Variants in PIGK observed in about 807,000 individuals in gnomAD.
PIGK encodes the protein phosphatidylinositol glycan anchor biosynthesis class K, also known as GPI-anchor transamidase.
Under a neutral mutation model 50.6 loss-of-function variants are expected in PIGK, and 42 were observed. The ratio of observed to expected loss-of-function variants is 0.83; its 90% CI spans 0.65 to 1.07. The LOEUF (loss-of-function observed/expected upper bound fraction) is 1.07. PIGK is among the 50% of genes least tolerant of loss of function. The pLI is 0.00. For synonymous variants in PIGK, 151 were observed against 156.0 expected, an observed-to-expected ratio of 0.97 and a Z score of 0.24; for missense variants, 448 against 488.7, an observed-to-expected ratio of 0.92 and a Z score of 0.78.
chr1:77,170,957 G>A (rs551617153), intron 3 of PIGK, among the ~76,000 whole-genome samples: 34 of 152,262 alleles, frequency 2.2e-4, no homozygotes, highest in Admixed American at 1.2e-3. Context: ...ACCCTGTCAC[G>A]TTCAAAGATC....
chr1:77,108,361 C>T (rs1355572729), intron 10 of PIGK, among the ~76,000 whole-genome samples: 3 of 152,088 alleles, frequency 2.0e-5, no homozygotes, highest in African/African-American at 7.2e-5. Flanking sequence ...CTTAGTTTGG[C>T]TGCATATGAA....
intron 10 of PIGK, among the ~76,000 whole-genome samples, chr1:77,107,953 T>C (rs959933713): frequency 2.6e-5 from 4 of 152,188 alleles, no homozygotes; most frequent in African/African-American, 9.7e-5. Flanking sequence ...TAGATCTTCC[T>C]CCATCCCTTT....
intron 9 of PIGK, among the ~76,000 whole-genome samples, chr1:77,139,511 T>G (rs1419299007): frequency 6.6e-6 from 1 of 152,156 alleles, no homozygotes; most frequent in Admixed American, 6.5e-5. Flanking sequence ...AAATCTATAC[T>G]GTCCTTGCAA....
intron 9 of PIGK, among the ~76,000 whole-genome samples, chr1:77,150,651 TA>T (rs1400381711): frequency 2.0e-5 from 3 of 151,648 alleles, no homozygotes; most frequent in African/African-American, 7.3e-5. Flanking sequence ...AAATCAGGGA[TA>T]AAAAAGAAAA....
At chr1:77,135,954 G>A (rs944316608) in intron 9 of PIGK, among the ~76,000 whole-genome samples, 3 of 151,850 alleles carry the variant, frequency 2.0e-5, no homozygotes, top group African/African-American at 7.3e-5. Flanking sequence ...TTCAGTTTTT[G>A]CTTAAATTTA....
rs1007167364 is a variant in PIGK at position 77,161,879 on chromosome 1, A to G, written c.585-168T>C. Among the ~76,000 whole-genome samples the G allele has an allele frequency of 2.0e-5, 3 of 152,208 alleles. No homozygotes were observed. In the South Asian group the frequency reaches 6.2e-4, roughly 31 times the overall value. On this transcript the variant is annotated intron_variant, in intron 6 of 10. Transcript: ENST00000370812. The stretch of plus-strand genomic sequence containing the variant: ...ATTTGACCTCAGAAAAGTTAAAGGT[A>G]TAAATTTGTCCAAGGAAACCACAGC...
At chr1:77,126,675 A>C (rs1654239544) in intron 9 of PIGK, among the ~76,000 whole-genome samples, 1 of 152,172 alleles carries the variant, frequency 6.6e-6, no homozygotes. Context: ...TCATCCATAC[A>C]TTCTAAGCCC....
chr1:77,212,620 A>T (rs1415055412), intron 1 of PIGK, among the ~76,000 whole-genome samples: 1 of 152,208 alleles, frequency 6.6e-6, no homozygotes, highest in Non-Finnish European at 1.5e-5. Flanking sequence ...GAAAAAGGAC[A>T]TTCCACACAA....
intron 3 of PIGK, among the ~76,000 whole-genome samples, chr1:77,186,338 G>A (rs1383433717): frequency 1.3e-5 from 2 of 152,222 alleles, no homozygotes; most frequent in Non-Finnish European, 2.9e-5. Flanking sequence ...CAGCGGTAAA[G>A]GGAAATCTCC....
chr1:77,154,381 A>C, intron 9 of PIGK, 68 bp downstream of exon 9: 1 of 1,232,822 alleles, frequency 8.1e-7, no homozygotes, highest in Non-Finnish European at 1.2e-6. Context: ...CTCTTAATAC[A>C]ATGTTTCAAA....
intron 3 of PIGK, chr1:77,195,534 C>T (rs1296845950): frequency 8.5e-6 from 4 of 469,462 alleles, no homozygotes; most frequent in Admixed American, 3.4e-5. Flanking sequence ...TAAGGCCTTA[C>T]AGAGATTACA....
chr1:77,167,102 G>A (rs1307710272), intron 4 of PIGK, among the ~76,000 whole-genome samples: 2 of 152,196 alleles, frequency 1.3e-5, no homozygotes, highest in African/African-American at 4.8e-5. Flanking sequence ...AGCACTTTGT[G>A]AGGCAAGGCA....
chr1:77,203,040 T>A (rs966202628), intron 3 of PIGK, among the ~76,000 whole-genome samples: 2 of 152,188 alleles, frequency 1.3e-5, no homozygotes, highest in Non-Finnish European at 2.9e-5. Context: ...GTTAAAGATA[T>A]GTATATTTTT....
rs541584329 is a variant in PIGK, at chr1:77,189,528, C to A, written c.239+17112G>T. On this transcript the variant is annotated intron_variant, in intron 3 of 10. Transcript: ENST00000370812. ...AGACAGAAAAACATGAAAGACTAGA[C>A]TGGCCTAGGCTCCCAGCTGACATCT... 2.0e-5 allele frequency among the ~76,000 whole-genome samples: 3 copies of A among 151,986 alleles called. No individual in the cohort carries two copies. The South Asian group carries it at 6.2e-4, about 32-fold the overall frequency.
chr1:77,104,863 A>G (rs1653629409), intron 10 of PIGK, among the ~76,000 whole-genome samples: 1 of 152,192 alleles, frequency 6.6e-6, no homozygotes, highest in Non-Finnish European at 1.5e-5. Context: ...CTCAAGCCCC[A>G]GAGTGGGTGT....
intron 9 of PIGK, chr1:77,129,488 GCGC>G (rs1374337201): frequency 6.8e-7 from 1 of 1,481,022 alleles, no homozygotes; most frequent in Non-Finnish European, 9.3e-7. Context: ...CACCTAAGAT[GCGC>G]CGCCGGACCT....
At chr1:77,111,903 G>C (rs1653853551) in intron 10 of PIGK, among the ~76,000 whole-genome samples, 1 of 152,138 alleles carries the variant, frequency 6.6e-6, no homozygotes, top group Admixed American at 6.6e-5. Context: ...TCTTCGCAAA[G>C]TATTAATAGC....
intron 10 of PIGK, among the ~76,000 whole-genome samples, chr1:77,115,471 C>A (rs923832950): frequency 6.6e-6 from 1 of 151,038 alleles, no homozygotes; most frequent in East Asian, 1.9e-4. Flanking sequence ...AATGACTAAG[C>A]AGTGCTATTG....
intron 9 of PIGK, among the ~76,000 whole-genome samples, chr1:77,124,932 G>A (rs1372974133): frequency 6.6e-6 from 1 of 152,122 alleles, no homozygotes; most frequent in Non-Finnish European, 1.5e-5. Context: ...AGAATACAGT[G>A]ACCACTTGTG....
Sources: allele counts gnomAD v4.1 joint callset (sites outside exome capture counted in the v4.1 genomes callset), GRCh38; gene constraint gnomAD v4.1.1; transcripts MANE v1.5; gene names NCBI Gene and HGNC (gene_info 2026-07-23, HGNC 2026-07-21).